Variants in FBN2 observed in about 807,000 individuals in gnomAD.
The protein encoded by FBN2 is fibrillin-2.
In FBN2, 105 loss-of-function variants were observed where a neutral mutation model predicts 355.6. The observed-to-expected ratio is 0.30, with a 90% CI of 0.25 to 0.35. FBN2 has a LOEUF of 0.35. FBN2 is among the 10% of genes least tolerant of loss of function. FBN2 has a pLI of 1.00. For missense variants in FBN2, 3,280 were observed against 3,758.7 expected (o/e 0.87, Z 3.33); for synonymous variants, 1,350 against 1,301.2 (o/e 1.04, Z -0.81).
chr5:128,408,701 T>G lies in FBN2; in HGVS notation c.1051A>C (p.Thr351Pro). Reference protein sequence around the residue: ...YFCVCPRGYVTSTDGSRCIDQ... With the variant: ...YFCVCPRGYVPSTDGSRCIDQ... ...ATGCATCGAGAGCCATCTGTTGAGG[T>G]TACATATCCACGTGGACAAACACAA... Residue 351 changes from threonine to proline, a missense_variant, in exon 8 of 65, where the codon ACC becomes CCC. Thr to Pro is a conservative substitution (Grantham distance 38). Around this residue, in one of 6 missense-constraint regions of FBN2, gnomAD observed 343 missense variants for 331.0 expected, o/e 1.04. Transcript: ENST00000262464. 4 of 1,613,978 alleles carry G rather than the reference T, an allele frequency of 2.5e-6. No homozygotes were observed. Among genetic ancestry groups the G allele is most frequent in the Non-Finnish European group, 3.4e-6 (4 of 1,179,926 alleles).
Position 128,349,860 on chromosome 5 carries a change from GA to G in FBN2, c.2863+94del. The G allele has an allele frequency of 3.0e-6, 3 of 985,448 alleles. No homozygotes were observed. The South Asian group carries it at 4.1e-5, about 14-fold the overall frequency. 61.0% of individuals were successfully genotyped at this position (985,448 alleles called of 1,614,324 possible). On this transcript the variant is annotated intron_variant, in intron 22 of 64. Transcript: ENST00000262464. ...TTTTTATTGAAATGTCAAGGTTTTT[GA>G]AAATGATAAATATCTCCAAAGTTTG...
intron 7 of FBN2, among the ~76,000 whole-genome samples, chr5:128,424,847 A>G (rs540141241): frequency 3.9e-4 from 60 of 152,296 alleles, no homozygotes; most frequent in African/African-American, 1.3e-3. Flanking sequence ...AGTGCTTTTT[A>G]ACATTATAAC....
chr5:128,330,302 T>G (rs1453015310), intron 33 of FBN2, among the ~76,000 whole-genome samples: 1 of 152,250 alleles, frequency 6.6e-6, no homozygotes, highest in Non-Finnish European at 1.5e-5. Context: ...TTAACCACTG[T>G]GTTACAAATG....
intron 7 of FBN2, among the ~76,000 whole-genome samples, chr5:128,426,604 T>A (rs1177153167): frequency 2.0e-5 from 3 of 152,160 alleles, no homozygotes; most frequent in Non-Finnish European, 4.4e-5. Flanking sequence ...CCCCTTCAGA[T>A]AAATAAAATG....
intron 17 of FBN2, 26 bp from the exon 18 acceptor site, chr5:128,364,751 G>A (rs770500829): frequency 1.3e-6 from 2 of 1,594,440 alleles, no homozygotes; most frequent in East Asian, 4.5e-5. Flanking sequence ...AAAGTTTAGT[G>A]CTATCAACAA....
intron 11 of FBN2, among the ~76,000 whole-genome samples, chr5:128,388,934 C>T (rs1293119661): frequency 1.3e-5 from 2 of 152,120 alleles, no homozygotes; most frequent in Non-Finnish European, 2.9e-5. Flanking sequence ...AATATGTTTT[C>T]CAAGTTGCTT....
chr5:128,513,062 CAAGT>C (rs2127154349), intron 5 of FBN2, among the ~76,000 whole-genome samples: 1 of 152,294 alleles, frequency 6.6e-6, no homozygotes, highest in Non-Finnish European at 1.5e-5. Context: ...AAAAATACAA[CAAGT>C]AACACTTAGT....
chr5:128,383,388 C>T (rs1752286189), intron 11 of FBN2, among the ~76,000 whole-genome samples: 1 of 151,986 alleles, frequency 6.6e-6, no homozygotes, highest in African/African-American at 2.4e-5. Flanking sequence ...CTGAAGAAAA[C>T]CCTTGTGACC....
intron 4 of FBN2, among the ~76,000 whole-genome samples, chr5:128,524,498 G>T (rs943804243): frequency 2.0e-5 from 3 of 152,114 alleles, no homozygotes; most frequent in Non-Finnish European, 2.9e-5. Flanking sequence ...GAATGAAATG[G>T]ATGAAATAGA....
chr5:128,350,813 A>C, intron 21 of FBN2, 55 bp downstream of exon 21: 1 of 1,596,920 alleles, frequency 6.3e-7, no homozygotes, highest in South Asian at 1.1e-5. Context: ...GAGGTGTCCT[A>C]GTGGCAGGAG....
chr5:128,430,851 AAAATAAATAAATAAATAAATAAAT>A (rs140579051), intron 7 of FBN2, among the ~76,000 whole-genome samples: 22 of 147,872 alleles, frequency 1.5e-4, no homozygotes, highest in African/African-American at 2.5e-4. Context: ...CCCTGTCTCA[AAAATAAATAAATAAATAAATAAAT>A]AAATAAATAA....
intron 1 of FBN2, among the ~76,000 whole-genome samples, chr5:128,536,970 G>C (rs1756864039): frequency 1.3e-5 from 2 of 151,936 alleles, no homozygotes; most frequent in Non-Finnish European, 2.9e-5. Context: ...AAAGGCTCAC[G>C]AGCGGCGGCC....
chr5:128,437,819 T>C (rs11241958), intron 7 of FBN2, among the ~76,000 whole-genome samples: 27,774 of 107,000 alleles, frequency 0.26, 2,463 homozygotes, highest in East Asian at 0.51. Flanking sequence ...GATAGATAGA[T>C]AGACAGACAG....
chr5:128,341,933 T>C (rs1005100618), intron 25 of FBN2, among the ~76,000 whole-genome samples: 2 of 152,182 alleles, frequency 1.3e-5, no homozygotes, highest in African/African-American at 4.8e-5. Flanking sequence ...CAAAATTCAA[T>C]TGGAGGCTTC....
intron 4 of FBN2, among the ~76,000 whole-genome samples, chr5:128,523,056 T>G (rs1355946598): frequency 6.6e-6 from 1 of 152,178 alleles, no homozygotes; most frequent in Non-Finnish European, 1.5e-5. Context: ...TCAACAGATA[T>G]TTACTGAGCA....
At chr5:128,310,392 ATATATATATATTTTTTT>A (rs1378022534) in intron 39 of FBN2, among the ~76,000 whole-genome samples, 1,134 of 29,774 alleles carry the variant, frequency 0.038, 33 homozygotes, top group African/African-American at 0.074. Flanking sequence ...ATATATATAT[ATATATATATATTTTTTT>A]TTTTTTTTTT....
intron 36 of FBN2, among the ~76,000 whole-genome samples, chr5:128,314,957 G>A (rs1202776905): frequency 1.3e-5 from 2 of 151,900 alleles, no homozygotes; most frequent in Non-Finnish European, 2.9e-5. Flanking sequence ...CTAAAATCCT[G>A]CCACCACAAA....
rs371422050 is a variant in FBN2, at chr5:128,417,113, C to T, written c.953-8314G>A. Among the ~76,000 whole-genome samples the T allele has an allele frequency of 5.9e-5, 9 of 152,106 alleles. No individual in the cohort carries two copies. In the East Asian group the frequency reaches 7.7e-4, roughly 13 times the overall value. ...AAGTATTTTATTATTGTTTTTGCAG[C>T]GATGGTAAATAGAATTGCCTTTTGA... On this transcript the variant is annotated intron_variant, in intron 7 of 64. Transcript: ENST00000262464.
intron 62 of FBN2, among the ~76,000 whole-genome samples, chr5:128,271,646 G>A (rs1244989633): frequency 6.6e-6 from 1 of 152,060 alleles, no homozygotes; most frequent in African/African-American, 2.4e-5. Flanking sequence ...GGGAATGGAT[G>A]GGAAATCTAA....
Sources: allele counts gnomAD v4.1 joint callset (sites outside exome capture counted in the v4.1 genomes callset), GRCh38; gene constraint gnomAD v4.1.1; regional missense constraint gnomAD v4.1.1; transcripts MANE v1.5; gene names NCBI Gene and HGNC (gene_info 2026-07-23, HGNC 2026-07-21).